The following SPART variants were observed in gnomAD, a reference collection of about 807,000 sequenced individuals.
SPART encodes the protein spartin.
SPART carries 35 observed loss-of-function variants against 58.7 expected under a neutral mutation model. That is an observed-to-expected ratio of 0.60 (90% CI 0.46 to 0.79). The LOEUF is 0.79. Among genes scored for constraint, SPART ranks in the 30% least tolerant of loss-of-function variants. The pLI is 0.00. For missense variants in SPART, 730 were observed against 786.1 expected (o/e 0.93, Z 0.85); for synonymous variants, 284 against 280.7 (o/e 1.01, Z -0.12).
chr13:36,308,527 A>C (rs1880741624), intron 8 of SPART: 1 of 152,158 alleles, frequency 6.6e-6, no homozygotes, highest in South Asian at 2.1e-4. Context: ...TATGCTATTT[A>C]TCATATTAAG....
intron 1 of SPART, among the ~76,000 whole-genome samples, chr13:36,356,937 A>G (rs1199464118): frequency 1.3e-5 from 2 of 152,224 alleles, no homozygotes; most frequent in Non-Finnish European, 2.9e-5. Flanking sequence ...AGAAATGTAA[A>G]GATAAGTGCT....
chr13:36,314,615 T>A lies in SPART; in HGVS notation c.1289-194A>T, dbSNP rs142342217. On this transcript the variant is annotated intron_variant, in intron 5 of 8. Coordinates refer to ENST00000438666, the MANE Select transcript of SPART (RefSeq NM_015087.5). ...GAATACTTAGTGACACAGTTCTGCG[T>A]TACTCTATGCTGCCACTACCTAGTA... Among the ~76,000 whole-genome samples, 9 of 152,320 alleles carry A rather than the reference T, an allele frequency of 5.9e-5. No individual in the cohort carries two copies. The East Asian group carries it at 1.7e-3, about 29-fold the overall frequency.
intron 1 of SPART, among the ~76,000 whole-genome samples, chr13:36,343,170 C>G (rs185174084): frequency 5.9e-5 from 9 of 152,186 alleles, no homozygotes; most frequent in Admixed American, 4.6e-4. Flanking sequence ...TATAATAACT[C>G]AACCCAAAAG....
At chr13:36,320,422 A>G (rs1424495319) in intron 5 of SPART, among the ~76,000 whole-genome samples, 1 of 152,098 alleles carries the variant, frequency 6.6e-6, no homozygotes, top group Admixed American at 6.5e-5. Flanking sequence ...ATCACGCTTG[A>G]TTTATTGATG....
Position 36,304,563 on chromosome 13 carries a change from G to C in SPART, c.1803C>G (p.Ala601=). The C allele has an allele frequency of 6.2e-7, 1 of 1,614,084 alleles. No individual in the cohort carries two copies. Among genetic ancestry groups the C allele is most frequent in the South Asian group, 1.1e-5 (1 of 91,076 alleles). The change falls in exon 9 of 9, where the codon GCC becomes GCG. Residue 601 remains alanine (A), a synonymous_variant. Transcript: ENST00000438666. ...VDSAVNVGVT[A]YNINNIGIKA... is the part of the protein sequence containing the mutation. ...TGATACCAATGTTGTTAATATTGTAGGCAGTTACGCCAACATTGACCGCAG... is the reference window on the plus strand; with the variant it reads ...TGATACCAATGTTGTTAATATTGTACGCAGTTACGCCAACATTGACCGCAG...
intron 2 of SPART, among the ~76,000 whole-genome samples, chr13:36,331,977 T>C (rs1883506704): frequency 6.6e-6 from 1 of 152,232 alleles, no homozygotes; most frequent in African/African-American, 2.4e-5. Context: ...TTTTCAGATA[T>C]TATTTACTTG....
chr13:36,303,467 T>C lies in SPART; in HGVS notation c.*898A>G, dbSNP rs1880188069. The C allele has an allele frequency of 6.6e-6, 1 of 152,156 alleles. No homozygotes were observed. The highest frequency in any genetic ancestry group is 1.5e-5 in the Non-Finnish European group (1 of 68,008). 9.4% of individuals were successfully genotyped at this position (152,156 alleles called of 1,614,324 possible). Reference sequence around the variant, plus strand: ...AATAGAACCTTTCCTTTTTAATAACTTGTCTTTTAATATAAATTCCAATGA... The same window carrying C: ...AATAGAACCTTTCCTTTTTAATAACCTGTCTTTTAATATAAATTCCAATGA... On this transcript the variant is annotated 3_prime_UTR_variant, in exon 9 of 9. Coordinates refer to ENST00000438666, the MANE Select transcript of SPART (RefSeq NM_015087.5).
At chr13:36,366,470 T>C (rs1886057807) in intron 1 of SPART, among the ~76,000 whole-genome samples, 1 of 152,206 alleles carries the variant, frequency 6.6e-6, no homozygotes, top group African/African-American at 2.4e-5. Context: ...CCTGCCTCCA[T>C]AGAAACAGTT....
chr13:36,340,776 G>A (rs1199123046), intron 1 of SPART, among the ~76,000 whole-genome samples: 1 of 115,894 alleles, frequency 8.6e-6, no homozygotes, highest in African/African-American at 3.3e-5. Flanking sequence ...TGTAAGCTCT[G>A]AAAAAAGATC....
At chr13:36,316,063 G>T (rs1881666174) in intron 5 of SPART, among the ~76,000 whole-genome samples, 1 of 152,208 alleles carries the variant, frequency 6.6e-6, no homozygotes, top group Non-Finnish European at 1.5e-5. Context: ...ATTTTAAATG[G>T]CATGTACAAT....
At chr13:36,360,585 A>G (rs1367683626) in intron 1 of SPART, 1 of 152,636 alleles carries the variant, frequency 6.6e-6, no homozygotes, top group Non-Finnish European at 1.5e-5. Flanking sequence ...TGTGCTAGGC[A>G]CTTTGTATAC....
chr13:36,303,592 GATAAA>G lies in SPART; in HGVS notation c.*768_*772del, dbSNP rs577003878. On this transcript the variant is annotated 3_prime_UTR_variant, in exon 9 of 9. Transcript: ENST00000438666. ...CTTTTGGAAAAACAGAAGCAGATAT[GATAAA>G]ATAATTTCTTGAAGTACTTTTTTAA... 6.6e-6 allele frequency: 1 copy of G among 152,126 alleles called. No homozygotes were observed. Among genetic ancestry groups the G allele is most frequent in the South Asian group, 2.1e-4 (1 of 4,820 alleles). 9.4% of individuals were successfully genotyped at this position (152,126 alleles called of 1,614,324 possible).
chr13:36,363,057 G>C (rs2137725492), intron 1 of SPART, among the ~76,000 whole-genome samples: 1 of 152,192 alleles, frequency 6.6e-6, no homozygotes, highest in African/African-American at 2.4e-5. Context: ...GGTCTAGGAT[G>C]GTACCTGAGA....
In SPART at chr13:36,302,250, C is replaced by T. The variant is rs1465579062; in HGVS notation, c.*2115G>A. ...TATATAATTTTATCTATATATCAAT[C>T]ATTACACAATATAAAAAAAATCTTT... On this transcript the variant is annotated 3_prime_UTR_variant, in exon 9 of 9. Transcript: ENST00000438666. 2.0e-5 allele frequency: 3 copies of T among 151,942 alleles called. No individual in the cohort carries two copies. Among genetic ancestry groups the T allele is most frequent in the Non-Finnish European group, 4.4e-5 (3 of 67,972 alleles). The allele number at this position is 151,942 out of a possible 1,614,324, so 9.4% of individuals were successfully genotyped here.
chr13:36,316,522 TTCCTGGCTCA>T (rs1593231436), intron 5 of SPART, among the ~76,000 whole-genome samples: 2 of 152,170 alleles, frequency 1.3e-5, no homozygotes, highest in East Asian at 3.9e-4. Context: ...GAAAGTCCTT[TTCCTGGCTCA>T]TCCTGGCTCA....
chr13:36,355,688 C>T (rs1269744378), intron 1 of SPART, among the ~76,000 whole-genome samples: 1 of 152,172 alleles, frequency 6.6e-6, no homozygotes, highest in Non-Finnish European at 1.5e-5. Flanking sequence ...CTCCCCCCAA[C>T]CATCTGAATG....
chr13:36,344,676 TA>T (rs1486980792), intron 1 of SPART, among the ~76,000 whole-genome samples: 1 of 151,814 alleles, frequency 6.6e-6, no homozygotes. Flanking sequence ...GATGGTGACT[TA>T]AAAAAAAGCC....
chr13:36,312,119 A>T lies in SPART; in HGVS notation c.1733+26T>A, dbSNP rs761780894. The T allele has an allele frequency of 3.2e-6, 5 of 1,584,236 alleles. No individual in the cohort carries two copies. In the East Asian group the frequency reaches 1.1e-4, roughly 35 times the overall value. Reference sequence around the variant, plus strand: ...AACAACAACAACAAAACAGAGATTTAGTCATTAAAATAAAATTCAACTTAC... The same window carrying T: ...AACAACAACAACAAAACAGAGATTTTGTCATTAAAATAAAATTCAACTTAC... On this transcript the variant is annotated intron_variant, in intron 8 of 8. Coordinates refer to ENST00000438666, the MANE Select transcript of SPART (RefSeq NM_015087.5).
At chr13:36,351,562 GTAGTATACA>G (rs2137692189) in intron 1 of SPART, among the ~76,000 whole-genome samples, 1 of 152,264 alleles carries the variant, frequency 6.6e-6, no homozygotes, top group African/African-American at 2.4e-5. Flanking sequence ...TAAAACAGTA[GTAGTATACA>G]TAGCATTATT....
Sources: allele counts gnomAD v4.1 joint callset (sites outside exome capture counted in the v4.1 genomes callset), GRCh38; gene constraint gnomAD v4.1.1; transcripts MANE v1.5; gene names NCBI Gene and HGNC (gene_info 2026-07-23, HGNC 2026-07-21).